Variants in ZNF215 observed in about 807,000 individuals in gnomAD.
ZNF215 encodes the protein zinc finger protein 215, also known as BWSCR2-associated zinc finger protein 2.
Under a neutral mutation model 27.2 loss-of-function variants are expected in ZNF215, and 24 were observed. The ratio of observed to expected loss-of-function variants is 0.88; its 90% confidence interval spans 0.64 to 1.24. The LOEUF (loss-of-function observed/expected upper bound fraction) is 1.24. Among genes scored for constraint, ZNF215 ranks in the 50% most tolerant of loss-of-function variants. The probability of loss-of-function intolerance (pLI) is 0.00; values close to 1 mark genes in which losing one functional copy is unlikely to be tolerated. For synonymous variants in ZNF215, 210 were observed against 204.0 expected, an observed-to-expected ratio of 1.03 and a Z score of -0.25; for missense variants, 675 against 605.7, an observed-to-expected ratio of 1.11 and a Z score of -1.20.
At chr11:6,990,301 G>A (rs547751023), downstream of ZNF215, among the ~76,000 whole-genome samples, 5 of 152,204 alleles carry the variant, frequency 3.3e-5, no homozygotes, top group South Asian at 4.2e-4. Flanking sequence ...CCTTAACAAT[G>A]GTGAAGGGAA....
intron 6 of ZNF215, among the ~76,000 whole-genome samples, chr11:6,949,540 A>G (rs537331685): frequency 3.3e-5 from 5 of 150,628 alleles, no homozygotes; most frequent in Non-Finnish European, 7.5e-5. Context: ...GGCTGTATAA[A>G]TGTCTGTTCA....
downstream of ZNF215, among the ~76,000 whole-genome samples, chr11:6,989,981 C>T (rs1851099866): frequency 6.6e-6 from 1 of 152,164 alleles, no homozygotes; most frequent in South Asian, 2.1e-4. Context: ...GCTCTGGCAT[C>T]ACCTACATGG....
intron 5 of ZNF215, among the ~76,000 whole-genome samples, chr11:6,971,304 G>A (rs1850713735): frequency 1.3e-5 from 2 of 152,158 alleles, no homozygotes. Context: ...TGTCAACAGT[G>A]AATTAATCAT....
At chr11:6,981,610 T>G (rs1216687770) in intron 5 of ZNF215, among the ~76,000 whole-genome samples, 1 of 152,040 alleles carries the variant, frequency 6.6e-6, no homozygotes, top group African/African-American at 2.4e-5. Flanking sequence ...GCTCTTTAGT[T>G]TAATTAGATC....
chr11:6,939,766 CAG>C (rs1345572173), intron 3 of ZNF215, among the ~76,000 whole-genome samples: 1 of 152,100 alleles, frequency 6.6e-6, no homozygotes, highest in African/African-American at 2.4e-5. Flanking sequence ...AAAGGACATT[CAG>C]AGAGAGCAAT....
At position 6,943,065 on chromosome 11, in the gene ZNF215, A is replaced by T; in HGVS notation, c.484-18A>T. ...TGGGGAGTGACACCTTTGATTAAAA[A>T]GGAACTTAATGTTTTAGGAACCAGT... On this transcript the variant is annotated intron_variant, in intron 4 of 6. Transcript: ENST00000278319. 2 of 1,607,028 alleles carry T rather than the reference A, an allele frequency of 1.2e-6. No homozygotes were observed. Among genetic ancestry groups the T allele is most frequent in the Non-Finnish European group, 1.7e-6 (2 of 1,177,472 alleles).
At chr11:6,937,469 T>C (rs1417921380) in intron 3 of ZNF215, among the ~76,000 whole-genome samples, 1 of 138,932 alleles carries the variant, frequency 7.2e-6, no homozygotes, top group Non-Finnish European at 1.5e-5. Context: ...ATGCAATCCC[T>C]ATCAAAATCT....
intron 6 of ZNF215, among the ~76,000 whole-genome samples, chr11:6,950,296 G>A (rs1471805599): frequency 1.3e-5 from 2 of 148,264 alleles, no homozygotes; most frequent in Admixed American, 6.7e-5. Flanking sequence ...GATGGGGATG[G>A]CATTGAATCT....
chr11:6,987,857 T>C (rs1851076792), downstream of ZNF215, among the ~76,000 whole-genome samples: 1 of 152,226 alleles, frequency 6.6e-6, no homozygotes, highest in Non-Finnish European at 1.5e-5. Context: ...ACATGGCATT[T>C]CAGCATGGAG....
chr11:6,940,080 AAC>A (rs1245718738), intron 3 of ZNF215, among the ~76,000 whole-genome samples: 17 of 151,648 alleles, frequency 1.1e-4, no homozygotes, highest in African/African-American at 3.9e-4. Context: ...AGAAAAAAAA[AAC>A]ATTATCCAAG....
At chr11:6,949,900 A>G (rs370041346) in intron 6 of ZNF215, among the ~76,000 whole-genome samples, 4 of 152,082 alleles carry the variant, frequency 2.6e-5, no homozygotes, top group Non-Finnish European at 4.4e-5. Context: ...ATCTTGAATT[A>G]ATTTTTGTAT....
chr11:6,956,659 A>G lies in ZNF215; in HGVS notation c.*128A>G. Reference sequence around the variant, plus strand: ...TTTGTCAGATTTTTCTTTAAATGATATCACAGAATTAATGTTGGATAGAAA... The same window carrying G: ...TTTGTCAGATTTTTCTTTAAATGATGTCACAGAATTAATGTTGGATAGAAA... On this transcript the variant is annotated 3_prime_UTR_variant, in exon 7 of 7. Transcript: ENST00000278319. The G allele has an allele frequency of 1.4e-6, 2 of 1,403,574 alleles. No homozygotes were observed. The highest frequency in any genetic ancestry group is 2.9e-5 in the African/African-American group (2 of 69,414). 86.9% of individuals were successfully genotyped at this position (1,403,574 alleles called of 1,614,324 possible). A position where few individuals can be genotyped will look rare whatever the true frequency, so the allele number is the denominator to read the frequency against.
chr11:6,951,651 T>C (rs1190190303), intron 6 of ZNF215, among the ~76,000 whole-genome samples: 1 of 152,224 alleles, frequency 6.6e-6, no homozygotes, highest in Non-Finnish European at 1.5e-5. Context: ...TTGCTAGTGA[T>C]CTATCAATTT....
chr11:6,968,901 C>A (rs1850673720), intron 5 of ZNF215, among the ~76,000 whole-genome samples: 1 of 151,998 alleles, frequency 6.6e-6, no homozygotes, highest in South Asian at 2.1e-4. Context: ...AATTCATGTC[C>A]CTTTTTCCTG....
At chr11:6,941,969 A>G (rs1450295760) in intron 4 of ZNF215, among the ~76,000 whole-genome samples, 2 of 152,234 alleles carry the variant, frequency 1.3e-5, no homozygotes, top group Admixed American at 1.3e-4. Context: ...AGGCAAGAGT[A>G]GAAGAAACCT....
intron 5 of ZNF215, among the ~76,000 whole-genome samples, chr11:6,975,230 C>T (rs1156653388): frequency 2.6e-5 from 4 of 152,138 alleles, no homozygotes; most frequent in African/African-American, 9.6e-5. Flanking sequence ...AGCCTTGCTT[C>T]CCAGGGATGA....
downstream of ZNF215, among the ~76,000 whole-genome samples, chr11:6,988,010 C>T (rs1011039911): frequency 1.3e-5 from 2 of 152,144 alleles, no homozygotes; most frequent in African/African-American, 4.8e-5. Context: ...CACTTATCAA[C>T]TATATCTAAG....
chr11:6,950,152 G>C (rs2133262483), intron 6 of ZNF215, among the ~76,000 whole-genome samples: 1 of 150,786 alleles, frequency 6.6e-6, no homozygotes, highest in South Asian at 2.1e-4. Flanking sequence ...AGTATAGTTT[G>C]AAGTCAGGTA....
intron 5 of ZNF215, among the ~76,000 whole-genome samples, chr11:6,983,526 C>T (rs916875150): frequency 7.2e-5 from 11 of 152,026 alleles, no homozygotes; most frequent in South Asian, 6.2e-4. Flanking sequence ...ACTGGCAAAC[C>T]GAATCCAGCA....
Sources: allele counts gnomAD v4.1 joint callset (sites outside exome capture counted in the v4.1 genomes callset), GRCh38; gene constraint gnomAD v4.1.1; transcripts MANE v1.5; gene names NCBI Gene and HGNC (gene_info 2026-07-23, HGNC 2026-07-21).